Variants in CADM1 observed in about 807,000 individuals in gnomAD.
CADM1 encodes the protein TSLC-1.
Under a neutral mutation model 53.1 loss-of-function variants are expected in CADM1, and 15 were observed. That is an observed-to-expected ratio of 0.28 (90% CI 0.19 to 0.44). CADM1 has a LOEUF of 0.44. Among genes scored for constraint, CADM1 ranks in the 20% least tolerant of loss-of-function variants. The pLI is 1.00. For missense variants in CADM1, 434 were observed against 611.3 expected (o/e 0.71, Z 3.06); for synonymous variants, 281 against 243.0 (o/e 1.16, Z -1.45).
intron 1 of CADM1, among the ~76,000 whole-genome samples, chr11:115,465,675 G>A (rs558934099): frequency 3.9e-5 from 6 of 152,252 alleles, no homozygotes; most frequent in Middle Eastern, 6.8e-3. Context: ...TCGCACAGTC[G>A]ATATCAGAAA....
chr11:115,202,536 G>T (rs1042298208), intron 8 of CADM1, among the ~76,000 whole-genome samples: 1 of 152,136 alleles, frequency 6.6e-6, no homozygotes, highest in Non-Finnish European at 1.5e-5. Flanking sequence ...TTAAAAAAAT[G>T]CACGGTGTGA....
At chr11:115,453,807 T>A (rs947326845) in intron 1 of CADM1, among the ~76,000 whole-genome samples, 9 of 152,158 alleles carry the variant, frequency 5.9e-5, no homozygotes, top group Non-Finnish European at 1.3e-4. Context: ...TAGAGCCTCA[T>A]CAAGTATTTC....
chr11:115,198,265 C>T, intron 9 of CADM1, 141 bp downstream of exon 9: 1 of 635,000 alleles, frequency 1.6e-6, no homozygotes, highest in Admixed American at 2.7e-5. Flanking sequence ...TCTTTTCAAA[C>T]CTTAAAAAAT....
At chr11:115,283,675 C>A (rs145031955) in intron 1 of CADM1, among the ~76,000 whole-genome samples, 1 of 152,192 alleles carries the variant, frequency 6.6e-6, no homozygotes, top group Non-Finnish European at 1.5e-5. Flanking sequence ...CAATGCAAGG[C>A]AGCAAAAAAT....
intron 1 of CADM1, chr11:115,377,212 T>C (rs896221674): frequency 1.3e-5 from 2 of 152,132 alleles, no homozygotes; most frequent in Admixed American, 6.5e-5. Context: ...CTACAGAACT[T>C]TGTGCATCAC....
At chr11:115,242,866 T>G (rs1942288070) in intron 1 of CADM1, among the ~76,000 whole-genome samples, 1 of 152,254 alleles carries the variant, frequency 6.6e-6, no homozygotes, top group African/African-American at 2.4e-5. Context: ...TCAATTATGC[T>G]TTAACAGAAT....
At chr11:115,177,308 A>C (rs1442664022) in intron 11 of CADM1, among the ~76,000 whole-genome samples, 1 of 152,206 alleles carries the variant, frequency 6.6e-6, no homozygotes, top group Non-Finnish European at 1.5e-5. Flanking sequence ...CCACTTTATA[A>C]TGACAATAGA....
At chr11:115,400,637 A>ATGTGTGTGTGTGTGTG (rs1166167079) in intron 1 of CADM1, among the ~76,000 whole-genome samples, 1 of 86,018 alleles carries the variant, frequency 1.2e-5, no homozygotes, top group African/African-American at 4.2e-5. Context: ...TGTATCATAT[A>ATGTGTGTGTGTGTGTG]TATGTGTGTG....
intron 1 of CADM1, among the ~76,000 whole-genome samples, chr11:115,471,681 T>C (rs905920941): frequency 3.9e-5 from 6 of 152,214 alleles, no homozygotes; most frequent in African/African-American, 1.4e-4. Context: ...CCAGATTCTG[T>C]TGACGCTGCT....
At chr11:115,373,593 AAAAAAAAAAAAAAAAG>A (rs1002277112) in intron 1 of CADM1, among the ~76,000 whole-genome samples, 25 of 142,752 alleles carry the variant, frequency 1.8e-4, no homozygotes, top group South Asian at 6.7e-4. Context: ...CAAAAAAAAA[AAAAAAAAAAAAAAAAG>A]AAGAAGAAGA....
intron 1 of CADM1, among the ~76,000 whole-genome samples, chr11:115,298,511 C>T (rs1944138281): frequency 6.6e-6 from 1 of 152,200 alleles, no homozygotes; most frequent in African/African-American, 2.4e-5. Flanking sequence ...TTAACAATAA[C>T]TTCTCCTCCT....
chr11:115,231,597 A>T, intron 3 of CADM1, 107 bp from the exon 4 acceptor site: 1 of 1,027,378 alleles, frequency 9.7e-7, no homozygotes, highest in South Asian at 1.3e-5. Context: ...TTAAATCATC[A>T]CAAGAGGCGA....
chr11:115,355,918 C>T (rs918521216), intron 1 of CADM1, among the ~76,000 whole-genome samples: 6 of 152,134 alleles, frequency 3.9e-5, no homozygotes, highest in African/African-American at 1.2e-4. Context: ...CTGCAACCTC[C>T]GCCTCCTGGG....
chr11:115,224,363 C>G (rs577665433), intron 5 of CADM1, among the ~76,000 whole-genome samples: 1 of 152,190 alleles, frequency 6.6e-6, no homozygotes, highest in African/African-American at 2.4e-5. Flanking sequence ...TAGCTACATT[C>G]AGTCAATAAA....
intron 1 of CADM1, among the ~76,000 whole-genome samples, chr11:115,320,403 A>T (rs1944792284): frequency 6.6e-6 from 1 of 152,170 alleles, no homozygotes; most frequent in Admixed American, 6.5e-5. Flanking sequence ...AGTTCTATAA[A>T]GAAATGAAAT....
chr11:115,235,690 T>C (rs1301905422), intron 3 of CADM1, among the ~76,000 whole-genome samples: 1 of 152,182 alleles, frequency 6.6e-6, no homozygotes, highest in Admixed American at 6.5e-5. Context: ...TTAAAGCTGA[T>C]CCAGTATGTG....
At chr11:115,482,552 C>CCTTCT (rs1949281651) in intron 1 of CADM1, among the ~76,000 whole-genome samples, 1 of 152,224 alleles carries the variant, frequency 6.6e-6, no homozygotes, top group Non-Finnish European at 1.5e-5. Flanking sequence ...TCTATATTCA[C>CCTTCT]TGTAGCCCAG....
At chr11:115,448,840 T>A (rs1948509762) in intron 1 of CADM1, among the ~76,000 whole-genome samples, 1 of 152,318 alleles carries the variant, frequency 6.6e-6, no homozygotes, top group Non-Finnish European at 1.5e-5. Context: ...GCACATATTG[T>A]GAAATAAAAT....
intron 1 of CADM1, among the ~76,000 whole-genome samples, chr11:115,278,456 G>T (rs1943502181): frequency 6.6e-6 from 1 of 152,122 alleles, no homozygotes; most frequent in Non-Finnish European, 1.5e-5. Context: ...TTTCAGAAAG[G>T]ACTGGTAGGA....
Sources: gnomAD v4.1 joint callset for allele counts (sites outside exome capture counted in the v4.1 genomes callset) on GRCh38, gnomAD v4.1.1 for gene constraint, MANE v1.5 for transcripts, NCBI Gene and HGNC (gene_info 2026-07-23, HGNC 2026-07-21) for gene names.